Variants in MYH15 observed in about 807,000 individuals in gnomAD.
The protein encoded by MYH15 is myosin heavy chain 15.
In MYH15, 227 loss-of-function variants were observed where a neutral mutation model predicts 240.5. The ratio of observed to expected loss-of-function variants is 0.94; its 90% CI spans 0.85 to 1.05. MYH15 has a LOEUF of 1.05. Ranked by LOEUF, MYH15 falls within the 50% of genes least tolerant of loss-of-function variation. The pLI, the probability that MYH15 is intolerant of heterozygous loss-of-function variation, is 0.00. For missense variants in MYH15, 2,217 were observed against 2,247.5 expected (o/e 0.99, Z 0.27); for synonymous variants, 785 against 796.7 (o/e 0.99, Z 0.25).
At chr3:108,505,574 A>C in intron 2 of MYH15, 149 bp downstream of exon 2, 1 of 412,040 alleles carries the variant, frequency 2.4e-6, no homozygotes. Flanking sequence ...CCACTGACTT[A>C]AGGAGGAGCT....
intron 32 of MYH15, among the ~76,000 whole-genome samples, chr3:108,406,219 AC>A (rs1247376605): frequency 6.6e-6 from 1 of 152,206 alleles, no homozygotes; most frequent in Admixed American, 6.5e-5. Flanking sequence ...CTTACAGAAT[AC>A]CAAGGATATA....
At chr3:108,424,300 T>A (rs1053881567) in intron 27 of MYH15, among the ~76,000 whole-genome samples, 4 of 152,222 alleles carry the variant, frequency 2.6e-5, no homozygotes, top group African/African-American at 7.2e-5. Flanking sequence ...GGTATCCACA[T>A]AGGCACTGCT....
chr3:108,397,049 G>C (rs141884761), intron 35 of MYH15, among the ~76,000 whole-genome samples: 4 of 152,284 alleles, frequency 2.6e-5, no homozygotes, highest in Non-Finnish European at 5.9e-5. Flanking sequence ...AAATGCCCCA[G>C]AGTGTAGCAG....
chr3:108,533,689 G>T (rs1261137080), upstream of MYH15, among the ~76,000 whole-genome samples: 1 of 152,146 alleles, frequency 6.6e-6, no homozygotes, highest in Non-Finnish European at 1.5e-5. Flanking sequence ...TAATCATGGA[G>T]GAATTGGGGT....
Position 108,470,105 on chromosome 3 carries a change from GC to G in MYH15, c.1490del (p.Ser497ThrfsTer17). The part of the protein sequence containing the change: ...VLEQEEYKKE[S>X]IEWVSIGFGL... ...CAAAGCCAATAGACACCCATTCAATGCTTTCTTTCTTATATTCCTCTTGCTC... is the reference window on the plus strand; with the variant it reads ...CAAAGCCAATAGACACCCATTCAATGTTTCTTTCTTATATTCCTCTTGCTC... On this transcript the variant is annotated frameshift_variant, in exon 14 of 41. Transcript: ENST00000693548. LOFTEE classifies it high-confidence loss of function. 2 of 1,611,908 alleles carry G rather than the reference GC, an allele frequency of 1.2e-6. No homozygotes were observed. The highest frequency in any genetic ancestry group is 1.7e-6 in the Non-Finnish European group (2 of 1,179,196).
intron 28 of MYH15, among the ~76,000 whole-genome samples, chr3:108,418,527 A>G (rs1036964280): frequency 6.6e-6 from 1 of 152,218 alleles, no homozygotes; most frequent in East Asian, 1.9e-4. Flanking sequence ...ATAGTATCTT[A>G]GTACTATACT....
At chr3:108,425,765 CT>C (rs1253138338) in intron 27 of MYH15, among the ~76,000 whole-genome samples, 2 of 152,160 alleles carry the variant, frequency 1.3e-5, no homozygotes, top group Non-Finnish European at 2.9e-5. Context: ...ATTAAGAATC[CT>C]TCTGATGAGG....
chr3:108,545,556 T>C, the MYH15 span, among the ~76,000 whole-genome samples: 3 of 152,142 alleles, frequency 2.0e-5, no homozygotes, highest in African/African-American at 4.8e-5. Flanking sequence ...AACTCAAATC[T>C]AGATGCGGTT....
chr3:108,503,381 A>G (rs2083452600), intron 2 of MYH15, among the ~76,000 whole-genome samples: 1 of 152,226 alleles, frequency 6.6e-6, no homozygotes, highest in Non-Finnish European at 1.5e-5. Context: ...ATAGACTGAG[A>G]GAAAATATGT....
intron 28 of MYH15, among the ~76,000 whole-genome samples, chr3:108,420,003 TA>T (rs1362523671): frequency 6.6e-6 from 1 of 152,170 alleles, no homozygotes; most frequent in Non-Finnish European, 1.5e-5. Flanking sequence ...AGGTTAGGTT[TA>T]GTCAATCTCA....
chr3:108,384,809 G>A (rs775990049), intron 38 of MYH15, 27 bp from the exon 39 acceptor site: 2 of 1,596,948 alleles, frequency 1.3e-6, no homozygotes, highest in Non-Finnish European at 1.7e-6. Context: ...TGTATGGGAA[G>A]GTGATTCAGA....
At chr3:108,498,503 C>T (rs1304913318) in intron 5 of MYH15, among the ~76,000 whole-genome samples, 2 of 152,154 alleles carry the variant, frequency 1.3e-5, no homozygotes, top group Non-Finnish European at 2.9e-5. Context: ...TGAAGGCTAC[C>T]ACACAGCCAA....
At chr3:108,493,304 CA>C (rs34979792) in intron 7 of MYH15, 127 bp from the exon 8 acceptor site, 81,152 of 445,146 alleles carry the variant, frequency 0.18, 2,233 homozygotes, top group South Asian at 0.34. Flanking sequence ...AAAAAACAAA[CA>C]AAAAAAAAAA....
intron 24 of MYH15, 68 bp downstream of exon 24, chr3:108,439,665 TAATG>T: frequency 8.0e-7 from 1 of 1,251,590 alleles, no homozygotes; most frequent in Non-Finnish European, 1.1e-6. Context: ...CAAGATAAAT[TAATG>T]AAGTAAAAAC....
chr3:108,506,900 G>A (rs1402914408), intron 1 of MYH15, among the ~76,000 whole-genome samples: 5 of 152,010 alleles, frequency 3.3e-5, no homozygotes, highest in Admixed American at 2.0e-4. Flanking sequence ...GCATGGTGGC[G>A]TGTGCCTGTA....
the MYH15 span, chr3:108,543,578 A>C: frequency 3.3e-5 from 5 of 152,228 alleles, no homozygotes; most frequent in Non-Finnish European, 7.3e-5. Context: ...GACTTGTTCT[A>C]ATGTCTCCTT....
rs1325928087 is a variant in MYH15 at position 108,501,860 on chromosome 3, A to C, written c.196-5T>G. On this transcript the variant is annotated splice_region_variant and splice_polypyrimidine_tract_variant and intron_variant, in intron 2 of 40. Transcript: ENST00000693548. Reference sequence around the variant, plus strand: ...GTCCTCCTTTATGCTCAGACTCTGCAGAGAGAAGAAAAATATATGATATAT... The same window carrying C: ...GTCCTCCTTTATGCTCAGACTCTGCCGAGAGAAGAAAAATATATGATATAT... The C allele has an allele frequency of 2.5e-6, 4 of 1,612,994 alleles. No homozygotes were observed. In the Admixed American group the frequency reaches 5.0e-5, roughly 20 times the overall value.
chr3:108,399,250 G>T lies in MYH15; in HGVS notation c.4754C>A (p.Thr1585Asn), dbSNP rs2082486776. ...IENFRRKQQCTIDSLQSSLDS... is the reference protein window; with the variant it reads ...IENFRRKQQCNIDSLQSSLDS... Reference sequence around the variant, plus strand: ...CAGACTAGACTGCAGGGAGTCAATGGTACACTGCTGCTTCCTCCTAATTTG... The same window carrying T: ...CAGACTAGACTGCAGGGAGTCAATGTTACACTGCTGCTTCCTCCTAATTTG... Residue 1585 changes from threonine (T) to asparagine (N), a missense_variant, in exon 34 of 41, where the codon ACC (threonine) becomes AAC (asparagine). Coordinates refer to ENST00000693548, the MANE Select transcript of MYH15 (RefSeq NM_014981.3). 1.2e-6 allele frequency: 2 copies of T among 1,612,594 alleles called. No homozygotes were observed. Among genetic ancestry groups the T allele is most frequent in the Non-Finnish European group, 1.7e-6 (2 of 1,179,070 alleles).
intron 2 of MYH15, among the ~76,000 whole-genome samples, chr3:108,503,943 T>C (rs901137705): frequency 8.5e-5 from 13 of 152,226 alleles, no homozygotes; most frequent in Non-Finnish European, 1.9e-4. Flanking sequence ...GGTATATCCA[T>C]ATAATGGAAT....
Sources: allele counts gnomAD v4.1 joint callset (sites outside exome capture counted in the v4.1 genomes callset), GRCh38; gene constraint gnomAD v4.1.1; transcripts MANE v1.5; gene names NCBI Gene and HGNC (gene_info 2026-07-23, HGNC 2026-07-21).